SORCS3: variants seen among roughly 807,000 people sequenced by gnomAD.
SORCS3 encodes the protein sortilin related VPS10 domain containing receptor 3.
Under a neutral mutation model 146.3 loss-of-function variants are expected in SORCS3, and 57 were observed. The observed-to-expected ratio is 0.39, with a 90% CI of 0.31 to 0.49. The LOEUF (loss-of-function observed/expected upper bound fraction) is 0.49. Ranked by LOEUF, SORCS3 falls within the 20% of genes least tolerant of loss-of-function variation. The pLI, the probability that SORCS3 is intolerant of heterozygous loss-of-function variation, is 0.92. For synonymous variants in SORCS3, 653 were observed against 618.5 expected (o/e 1.06, Z -0.83); for missense variants, 1,341 against 1,575.5 (o/e 0.85, Z 2.52).
chr10:105,139,447 C>T lies in SORCS3; in HGVS notation c.1263C>T (p.Ala421=), dbSNP rs746007314. The T allele has an allele frequency of 1.9e-6, 3 of 1,613,666 alleles. No homozygotes were observed. Among genetic ancestry groups the T allele is most frequent in the Non-Finnish European group, 2.5e-6 (3 of 1,179,702 alleles). Residue 421 remains alanine, a synonymous_variant, in exon 8 of 27, where the codon GCC becomes GCT. Coordinates refer to ENST00000369701, the MANE Select transcript of SORCS3 (RefSeq NM_014978.3). Reference sequence around the variant, plus strand: ...ACTACGTGTCTTATCGAAGAGAGGCCTTTGCTCAGATAAAGCTGCCTAAGT... The same window carrying T: ...ACTACGTGTCTTATCGAAGAGAGGCTTTTGCTCAGATAAAGCTGCCTAAGT... The part of the protein sequence containing the change: ...ASYYVSYRRE[A]FAQIKLPKYS...
intron 2 of SORCS3, among the ~76,000 whole-genome samples, chr10:104,848,595 C>T (rs1266758193): frequency 6.6e-6 from 1 of 152,128 alleles, no homozygotes; most frequent in South Asian, 2.1e-4. Flanking sequence ...AGCCTTCCAC[C>T]CCATTCGCTA....
chr10:104,910,934 T>C (rs1202172811), intron 2 of SORCS3, among the ~76,000 whole-genome samples: 1 of 152,260 alleles, frequency 6.6e-6, no homozygotes, highest in South Asian at 2.1e-4. Context: ...CTCAGGGCAC[T>C]GGTGTCATGG....
At chr10:104,867,361 G>C (rs1003806709) in intron 2 of SORCS3, among the ~76,000 whole-genome samples, 2 of 150,956 alleles carry the variant, frequency 1.3e-5, no homozygotes, top group Non-Finnish European at 2.9e-5. Context: ...CCAGGCTGGA[G>C]TGCAGTGGCG....
intron 6 of SORCS3, among the ~76,000 whole-genome samples, chr10:105,096,736 T>C (rs910943500): frequency 6.6e-6 from 1 of 152,172 alleles, no homozygotes; most frequent in Admixed American, 6.5e-5. Flanking sequence ...ATGCTAGAGC[T>C]GTGCTGTCCA....
chr10:104,722,189 G>A (rs564416468), intron 1 of SORCS3, among the ~76,000 whole-genome samples: 4 of 152,064 alleles, frequency 2.6e-5, no homozygotes, highest in Non-Finnish European at 4.4e-5. Context: ...TAGCATGAAG[G>A]GTTGTTGAAT....
intron 2 of SORCS3, among the ~76,000 whole-genome samples, chr10:104,883,551 G>A (rs1282996204): frequency 6.6e-6 from 1 of 152,142 alleles, no homozygotes; most frequent in Non-Finnish European, 1.5e-5. Flanking sequence ...ATCATAAAAA[G>A]CTTGGTGGAG....
intron 14 of SORCS3, among the ~76,000 whole-genome samples, chr10:105,197,615 T>G (rs1260836310): frequency 6.6e-6 from 1 of 152,216 alleles, no homozygotes; most frequent in African/African-American, 2.4e-5. Flanking sequence ...ATTTTATGTC[T>G]CCCTGAAGTG....
At chr10:105,152,521 G>T (rs2056174767) in intron 9 of SORCS3, among the ~76,000 whole-genome samples, 1 of 151,994 alleles carries the variant, frequency 6.6e-6, no homozygotes, top group African/African-American at 2.4e-5. Context: ...ATTTTCACCA[G>T]AAATACTTGA....
intron 3 of SORCS3, among the ~76,000 whole-genome samples, chr10:104,942,446 T>A (rs573141888): frequency 1.3e-5 from 2 of 152,318 alleles, no homozygotes; most frequent in African/African-American, 4.8e-5. Flanking sequence ...TCCAGCTCAT[T>A]GTGAGGGCAG....
chr10:105,036,993 G>T (rs2696866), intron 4 of SORCS3, among the ~76,000 whole-genome samples: 31,493 of 151,996 alleles, frequency 0.21, 3,526 homozygotes, highest in African/African-American at 0.29. Flanking sequence ...CACTTCTACC[G>T]GGGAGATACC....
intron 3 of SORCS3, among the ~76,000 whole-genome samples, chr10:104,937,273 A>T (rs1013874858): frequency 6.6e-6 from 1 of 152,210 alleles, no homozygotes; most frequent in African/African-American, 2.4e-5. Flanking sequence ...ACTGACCAGT[A>T]TAGGGGTTGA....
chr10:105,201,360 G>T, intron 16 of SORCS3, 107 bp downstream of exon 16: 1 of 1,333,544 alleles, frequency 7.5e-7, no homozygotes, highest in Non-Finnish European at 1.0e-6. Flanking sequence ...CGCAGAGATA[G>T]GAGGTGTATC....
intron 21 of SORCS3, among the ~76,000 whole-genome samples, chr10:105,246,756 C>G (rs1405783906): frequency 1.3e-5 from 2 of 152,204 alleles, no homozygotes. Flanking sequence ...GTATACTCAC[C>G]AACCAGGTCA....
intron 1 of SORCS3, among the ~76,000 whole-genome samples, chr10:104,814,627 C>T (rs1007418589): frequency 3.9e-5 from 6 of 152,180 alleles, no homozygotes; most frequent in East Asian, 3.9e-4. Flanking sequence ...CAGTACCTCA[C>T]GCTTTCCCAG....
chr10:104,744,364 G>T (rs1589482073), intron 1 of SORCS3, among the ~76,000 whole-genome samples: 1 of 152,262 alleles, frequency 6.6e-6, no homozygotes, highest in East Asian at 1.9e-4. Context: ...TGTTGAATGA[G>T]ATTTCCAGTT....
intron 19 of SORCS3, 132 bp from the exon 20 acceptor site, chr10:105,222,984 T>G: frequency 1.1e-6 from 1 of 891,806 alleles, no homozygotes; most frequent in Non-Finnish European, 1.7e-6. Flanking sequence ...CACCTCCCAA[T>G]GTATATGGTT....
chr10:104,752,891 C>G (rs993247613), intron 1 of SORCS3, among the ~76,000 whole-genome samples: 1 of 152,210 alleles, frequency 6.6e-6, no homozygotes, highest in East Asian at 1.9e-4. Flanking sequence ...GGTTATTCAA[C>G]AACCTTGGAA....
At chr10:104,947,483 C>G (rs902544982) in intron 3 of SORCS3, among the ~76,000 whole-genome samples, 2 of 152,130 alleles carry the variant, frequency 1.3e-5, no homozygotes, top group Admixed American at 6.5e-5. Context: ...TCTCTGAACA[C>G]GGAGGCGGGG....
intron 4 of SORCS3, among the ~76,000 whole-genome samples, chr10:105,015,062 A>AT (rs1278475876): frequency 1.3e-5 from 2 of 152,350 alleles, no homozygotes; most frequent in East Asian, 3.9e-4. Context: ...TGCAATGCAA[A>AT]TTAAGACTAT....
Sources: gnomAD v4.1 joint callset for allele counts (sites outside exome capture counted in the v4.1 genomes callset) on GRCh38, gnomAD v4.1.1 for gene constraint, MANE v1.5 for transcripts, NCBI Gene and HGNC (gene_info 2026-07-23, HGNC 2026-07-21) for gene names.